POU6F2: variants seen among roughly 807,000 people sequenced by gnomAD.
POU6F2 encodes POU domain, class 6, transcription factor 2.
A neutral mutation model predicts 71.3 loss-of-function variants in POU6F2; 31 were observed. The ratio of observed to expected loss-of-function variants is 0.43; its 90% CI spans 0.33 to 0.59. The LOEUF (loss-of-function observed/expected upper bound fraction) is 0.59, where lower values mean the gene tolerates loss of function less well. Ranked by LOEUF, POU6F2 falls within the 20% of genes least tolerant of loss-of-function variation. POU6F2 has a pLI of 0.04. For missense variants in POU6F2, 783 were observed against 856.8 expected (o/e 0.91, Z 1.07); for synonymous variants, 347 against 355.7 (o/e 0.98, Z 0.27).
intron 2 of POU6F2, among the ~76,000 whole-genome samples, chr7:39,194,549 GACCAATCA>G (rs1793740609): frequency 1.9e-4 from 1 of 5,402 alleles, no homozygotes; most frequent in African/African-American, 7.9e-3. Context: ...CTGTAAAGTG[GACCAATCA>G]GCGCTCTGTA....
chr7:39,455,557 T>C (rs1232360904), intron 8 of POU6F2, among the ~76,000 whole-genome samples: 1 of 152,214 alleles, frequency 6.6e-6, no homozygotes, highest in Non-Finnish European at 1.5e-5. Context: ...ACATAGTTAA[T>C]TAATTCATAC....
chr7:39,191,184 T>A (rs762109847), intron 2 of POU6F2, among the ~76,000 whole-genome samples: 1 of 152,174 alleles, frequency 6.6e-6, no homozygotes, highest in Non-Finnish European at 1.5e-5. Context: ...AAAGGAAGAT[T>A]TGGGGATGCA....
In POU6F2 at chr7:39,464,278, G is replaced by A. The variant is rs143525120; in HGVS notation, c.1755G>A (p.Leu585=). 109 of 1,613,890 alleles carry A rather than the reference G, an allele frequency of 6.8e-5. No individual in the cohort carries two copies. The highest frequency in any genetic ancestry group is 8.7e-5 in the Non-Finnish European group (103 of 1,179,904). Residue 585 remains leucine, a synonymous_variant, in exon 10 of 10, where the codon TTG becomes TTA. Coordinates refer to ENST00000518318, the MANE Select transcript of POU6F2 (RefSeq NM_001370959.1). This position sits in a 1 kb window ranked among gnomAD's most constrained non-coding sequence, Gnocchi z 4.1. The part of the protein sequence containing the change: ...SLTAKLNPGL[L]YPARFEKLDI... ...CAGCCAAACTGAACCCTGGCCTTTT[G>A]TATCCTGCCAGGTTTGAAAAGCTGG...
chr7:39,130,705 T>C (rs1383575488), intron 2 of POU6F2, among the ~76,000 whole-genome samples: 1 of 151,660 alleles, frequency 6.6e-6, no homozygotes, highest in Non-Finnish European at 1.5e-5. Context: ...AGGAGGAAAA[T>C]AATTTGTTTA....
chr7:39,325,255 C>G (rs1785483227), intron 4 of POU6F2, among the ~76,000 whole-genome samples: 1 of 152,078 alleles, frequency 6.6e-6, no homozygotes, highest in Non-Finnish European at 1.5e-5. Context: ...TTGTGTATCC[C>G]AAGCAAAGCT....
At chr7:39,236,889 C>T (rs762422974) in intron 4 of POU6F2, among the ~76,000 whole-genome samples, 19 of 152,152 alleles carry the variant, frequency 1.2e-4, no homozygotes, top group Non-Finnish European at 2.1e-4. Context: ...TTTTATAAAA[C>T]TGCTAACCAC....
intron 1 of POU6F2, among the ~76,000 whole-genome samples, chr7:39,059,743 C>G (rs532835395): frequency 6.6e-6 from 1 of 152,266 alleles, no homozygotes; most frequent in East Asian, 1.9e-4. Flanking sequence ...TTCACAGAAG[C>G]ATTATTCATA....
chr7:39,259,047 C>G (rs994851298), intron 4 of POU6F2, among the ~76,000 whole-genome samples: 4 of 152,136 alleles, frequency 2.6e-5, no homozygotes, highest in Non-Finnish European at 4.4e-5. Flanking sequence ...GCTCATGTAA[C>G]TTGTTTAATC....
At chr7:39,408,150 G>A (rs138719206) in intron 6 of POU6F2, among the ~76,000 whole-genome samples, 88 of 152,276 alleles carry the variant, frequency 5.8e-4, no homozygotes, top group African/African-American at 2.1e-3. Flanking sequence ...ACATCAGGTC[G>A]CTGCTTCGTA....
At chr7:39,095,955 A>C (rs1584539935) in intron 2 of POU6F2, among the ~76,000 whole-genome samples, 1 of 152,146 alleles carries the variant, frequency 6.6e-6, no homozygotes, top group East Asian at 1.9e-4. Flanking sequence ...GTATTCATGC[A>C]TTTCCTTTAT....
intron 2 of POU6F2, among the ~76,000 whole-genome samples, chr7:39,166,712 T>C (rs1465861742): frequency 1.6e-4 from 25 of 152,154 alleles, no homozygotes; most frequent in Non-Finnish European, 2.2e-4. Flanking sequence ...GTTTATCCTG[T>C]TTACCTTAAT....
At chr7:39,309,033 G>A (rs769172117) in intron 4 of POU6F2, among the ~76,000 whole-genome samples, 10 of 152,356 alleles carry the variant, frequency 6.6e-5, no homozygotes, top group South Asian at 4.1e-4. Flanking sequence ...GTTACTGCTC[G>A]CAAGCGGCCA....
chr7:39,310,983 T>TG (rs964916592), intron 4 of POU6F2, among the ~76,000 whole-genome samples: 39 of 152,200 alleles, frequency 2.6e-4, no homozygotes, highest in African/African-American at 9.4e-4. Context: ...CATCCTGAAT[T>TG]GGGGGGACAG....
At chr7:38,996,108 C>T (rs1433334737) in intron 1 of POU6F2, among the ~76,000 whole-genome samples, 5 of 143,930 alleles carry the variant, frequency 3.5e-5, no homozygotes, top group Non-Finnish European at 7.5e-5. Context: ...GGCGCGATCT[C>T]GGCTCACTGC....
chr7:39,290,621 G>T (rs1784734460), intron 4 of POU6F2, among the ~76,000 whole-genome samples: 1 of 152,100 alleles, frequency 6.6e-6, no homozygotes, highest in Non-Finnish European at 1.5e-5. Context: ...GAATTTCCTT[G>T]AACGTTTTTG....
chr7:39,295,247 G>A (rs567355044), intron 4 of POU6F2, among the ~76,000 whole-genome samples: 1 of 151,782 alleles, frequency 6.6e-6, no homozygotes, highest in South Asian at 2.1e-4. Flanking sequence ...ATTGAGTTCT[G>A]TAAGCAACAC....
At chr7:39,197,540 G>A (rs1000776637) in intron 2 of POU6F2, among the ~76,000 whole-genome samples, 1 of 152,224 alleles carries the variant, frequency 6.6e-6, no homozygotes, top group Non-Finnish European at 1.5e-5. Flanking sequence ...CAGAACATGT[G>A]TGGCTGCACC....
intron 1 of POU6F2, among the ~76,000 whole-genome samples, chr7:39,056,662 C>CTGTGTGTGTGTG (rs749810621): frequency 1.6e-4 from 18 of 113,330 alleles, no homozygotes; most frequent in African/African-American, 3.0e-4. Flanking sequence ...CTCTCTCTCT[C>CTGTGTGTGTGTG]TGTGTGTGTG....
intron 4 of POU6F2, among the ~76,000 whole-genome samples, chr7:39,323,575 T>A (rs1337557792): frequency 6.6e-6 from 1 of 152,090 alleles, no homozygotes; most frequent in Non-Finnish European, 1.5e-5. Flanking sequence ...GAAAAGTGGG[T>A]TGAAGTCAAA....
Sources: gnomAD v4.1 joint callset for allele counts (sites outside exome capture counted in the v4.1 genomes callset) on GRCh38, gnomAD v4.1.1 for gene constraint, Gnocchi (gnomAD v3.1) non-coding constraint, MANE v1.5 for transcripts, NCBI Gene and HGNC (gene_info 2026-07-23, HGNC 2026-07-21) for gene names.